Variants in IP6K1 observed in about 807,000 individuals in gnomAD.
IP6K1 encodes the protein ATP:1D-myo-inositol-hexakisphosphate phosphotransferase.
IP6K1 carries 13 observed loss-of-function variants against 38.3 expected under a neutral mutation model. The observed-to-expected ratio is 0.34, with a 90% CI of 0.22 to 0.54. The LOEUF is 0.54. IP6K1 is among the 20% of genes least tolerant of loss of function. The pLI, the probability that IP6K1 is intolerant of heterozygous loss-of-function variation, is 0.92. For synonymous variants in IP6K1, 212 were observed against 229.9 expected, an observed-to-expected ratio of 0.92 and a Z score of 0.70; for missense variants, 397 against 599.8, an observed-to-expected ratio of 0.66 and a Z score of 3.53.
chr3:49,758,218 G>A (rs1311972079), intron 1 of IP6K1, among the ~76,000 whole-genome samples: 3 of 148,218 alleles, frequency 2.0e-5, no homozygotes, highest in African/African-American at 7.5e-5. Flanking sequence ...ACAGGCTGAA[G>A]CAGGAGAATC....
chr3:49,746,769 CA>C (rs1380942093), intron 2 of IP6K1, among the ~76,000 whole-genome samples: 1 of 151,292 alleles, frequency 6.6e-6, no homozygotes, highest in African/African-American at 2.4e-5. Context: ...ACCTTGTAAA[CA>C]TTAAGCTAAA....
intron 1 of IP6K1, chr3:49,748,799 TG>T (rs1203751380): frequency 6.6e-6 from 1 of 152,414 alleles, no homozygotes; most frequent in African/African-American, 2.4e-5. Context: ...TGATTGAGGC[TG>T]TACATTTATT....
intron 1 of IP6K1, among the ~76,000 whole-genome samples, chr3:49,774,881 T>C (rs999587422): frequency 2.0e-5 from 3 of 152,144 alleles, no homozygotes; most frequent in African/African-American, 7.2e-5. Context: ...ATAATTTCTT[T>C]TTTTTTTTGT....
chr3:49,754,069 C>G (rs1222295426), intron 1 of IP6K1, among the ~76,000 whole-genome samples: 1 of 152,048 alleles, frequency 6.6e-6, no homozygotes, highest in Non-Finnish European at 1.5e-5. Context: ...ATAATCTCAA[C>G]TATAAAAGAT....
chr3:49,772,224 A>AAATAT (rs1553696789), intron 1 of IP6K1, among the ~76,000 whole-genome samples: 10 of 142,970 alleles, frequency 7.0e-5, no homozygotes, highest in African/African-American at 2.6e-4. Context: ...TAAAAAAAAA[A>AAATAT]ATATATATAT....
intron 4 of IP6K1, among the ~76,000 whole-genome samples, chr3:49,730,914 G>T (rs1029287119): frequency 6.6e-6 from 1 of 151,952 alleles, no homozygotes; most frequent in African/African-American, 2.4e-5. Context: ...TCTCCATGTT[G>T]GTCAGGCTGG....
chr3:49,779,543 C>T (rs528172603), intron 1 of IP6K1, among the ~76,000 whole-genome samples: 1 of 152,254 alleles, frequency 6.6e-6, no homozygotes, highest in South Asian at 2.1e-4. Context: ...ACTGTTTTCC[C>T]AAGTGGCCCA....
In IP6K1 at chr3:49,728,295, G is replaced by T; in HGVS notation, c.617-17C>A. 1.2e-6 allele frequency: 2 copies of T among 1,608,954 alleles called. No homozygotes were observed. Among genetic ancestry groups the T allele is most frequent in the Non-Finnish European group, 1.7e-6 (2 of 1,175,648 alleles). The stretch of plus-strand genomic sequence containing the variant: ...GGAGGAACTCTGGGCCACGGTCAAG[G>T]AGAATGACAACCACACTCACCATCA... On this transcript the variant is annotated splice_polypyrimidine_tract_variant and intron_variant, in intron 4 of 5. Transcript: ENST00000321599.
chr3:49,750,289 C>T (rs751647761), intron 1 of IP6K1, among the ~76,000 whole-genome samples: 35 of 152,148 alleles, frequency 2.3e-4, no homozygotes, highest in Non-Finnish European at 5.0e-4. Flanking sequence ...GGGAATGCTT[C>T]TGACTATGGA....
rs35601566 is a variant in IP6K1, at chr3:49,771,188, C to CAA, written c.-129+15164_-129+15165dup. Among the ~76,000 whole-genome samples, 351 of 72,458 alleles carry CAA rather than the reference C, an allele frequency of 4.8e-3. 7 individuals carry two copies. The highest frequency in any genetic ancestry group is 0.015 in the African/African-American group (301 of 20,330). 47.5% of individuals were successfully genotyped at this position (72,458 alleles called of 152,430 possible). ...AAAAAAACTTCCTAAAACTCAGTAA[C>CAA]AAAAAAAAAAAAAAAAAAAAAAAAC... is the stretch of plus-strand genomic sequence containing the variant. On this transcript the variant is annotated intron_variant, in intron 1 of 5. Coordinates refer to ENST00000321599, the MANE Select transcript of IP6K1 (RefSeq NM_153273.4).
rs199659330 is a variant in IP6K1, at chr3:49,777,925, C to CA, written c.-129+8428dup. 5.2e-3 allele frequency among the ~76,000 whole-genome samples: 776 copies of CA among 150,324 alleles called. 9 individuals carry two copies. The highest frequency in any genetic ancestry group is 0.017 in the African/African-American group (694 of 40,928). ...CGAGACTCTGTGGCAAACAAACAAA[C>CA]AAAAAAAACAATGATAAAGCATAAA... is the stretch of plus-strand genomic sequence containing the variant. On this transcript the variant is annotated intron_variant, in intron 1 of 5. Transcript: ENST00000321599.
intron 1 of IP6K1, among the ~76,000 whole-genome samples, chr3:49,769,512 A>C (rs2080940031): frequency 6.6e-6 from 1 of 152,226 alleles, no homozygotes; most frequent in South Asian, 2.1e-4. Context: ...TATAACAGTC[A>C]ATTGTTTTTC....
intron 1 of IP6K1, among the ~76,000 whole-genome samples, chr3:49,768,034 T>TAAAAAAAAAAAAAA (rs140063422): frequency 8.2e-6 from 1 of 121,690 alleles, no homozygotes; most frequent in Non-Finnish European, 1.8e-5. Context: ...ATCCAAGTTA[T>TAAAAAAAAAAAAAA]AAAAAAAAAA....
At chr3:49,775,423 AGT>A in intron 1 of IP6K1, 2 of 434,104 alleles carry the variant, frequency 4.6e-6, no homozygotes, top group South Asian at 7.2e-5. Flanking sequence ...CTATGTGATG[AGT>A]GTAACTACGT....
chr3:49,752,639 T>C (rs1238136276), intron 1 of IP6K1, among the ~76,000 whole-genome samples: 1 of 152,010 alleles, frequency 6.6e-6, no homozygotes, highest in Admixed American at 6.6e-5. Context: ...TCTCCTACCG[T>C]AGAGACGGGG....
chr3:49,782,210 G>A (rs866811858), intron 1 of IP6K1, among the ~76,000 whole-genome samples: 2 of 151,104 alleles, frequency 1.3e-5, no homozygotes, highest in Admixed American at 6.6e-5. Flanking sequence ...TAGCTCTGTC[G>A]CCCAGGCTGG....
At position 49,740,257 on chromosome 3, in the gene IP6K1, G is replaced by A. The variant is rs534701291; in HGVS notation, c.224-1835C>T. Among the ~76,000 whole-genome samples the A allele has an allele frequency of 6.7e-5, 8 of 119,378 alleles. No individual in the cohort carries two copies. The East Asian group carries it at 1.0e-3, about 15-fold the overall frequency. 78.3% of individuals were successfully genotyped at this position (119,378 alleles called of 152,430 possible). ...TTTTTTTTTTTTTTTTTTTGGTAGC[G>A]ACAAGGCTTGCTATGTTGCCCAGTC... On this transcript the variant is annotated intron_variant, in intron 2 of 5. Transcript: ENST00000321599.
At chr3:49,774,886 T>G (rs1335235773) in intron 1 of IP6K1, among the ~76,000 whole-genome samples, 2 of 152,214 alleles carry the variant, frequency 1.3e-5, no homozygotes, top group African/African-American at 4.8e-5. Flanking sequence ...TTCTTTTTTT[T>G]TTTGTTTAAT....
Position 49,738,420 on chromosome 3 carries a change from C to A in IP6K1, c.226G>T (p.Val76Leu), listed in dbSNP as rs374846164. 25 of 1,613,278 alleles carry A rather than the reference C, an allele frequency of 1.5e-5. No individual in the cohort carries two copies. Among genetic ancestry groups the A allele is most frequent in the Non-Finnish European group, 2.1e-5 (25 of 1,179,412 alleles). ...MKEFTPEYKG[V>L]VSVCFEGDSD... ...TCCCCCTCAAAACAGACAGATACCA[C>A]GCCTGTTAAAAAAAGGGCAGTTGGT... is the stretch of plus-strand genomic sequence containing the variant. The change falls in exon 3 of 6, where the codon GTG becomes TTG. Residue 76 changes from valine (V) to leucine (L), a missense_variant and splice_region_variant. Val to Leu is a conservative substitution (Grantham distance 32). Around this residue, in one of 3 missense-constraint regions of IP6K1, gnomAD observed 171 missense variants for 237.0 expected, o/e 0.72. Coordinates refer to ENST00000321599, the MANE Select transcript of IP6K1 (RefSeq NM_153273.4).
Sources: gnomAD v4.1 joint callset for allele counts (sites outside exome capture counted in the v4.1 genomes callset) on GRCh38, gnomAD v4.1.1 for gene constraint, gnomAD v4.1.1 regional missense constraint, MANE v1.5 for transcripts, NCBI Gene and HGNC (gene_info 2026-07-23, HGNC 2026-07-21) for gene names.